The following AP3B1 variants were observed in gnomAD, a reference collection of about 807,000 sequenced individuals.
AP3B1 encodes the protein adaptor related protein complex 3 subunit beta 1.
AP3B1 carries 61 observed loss-of-function variants against 132.5 expected under a neutral mutation model. That is an observed-to-expected ratio of 0.46 (90% confidence interval 0.37 to 0.57). The LOEUF (loss-of-function observed/expected upper bound fraction) is 0.57. Among genes scored for constraint, AP3B1 ranks in the 20% least tolerant of loss-of-function variants. AP3B1 has a pLI of 0.00. For missense variants in AP3B1, 1,120 were observed against 1,289.4 expected, an observed-to-expected ratio of 0.87 and a Z score of 2.01; for synonymous variants, 388 against 438.3, an observed-to-expected ratio of 0.89 and a Z score of 1.43.
intron 15 of AP3B1, 65 bp downstream of exon 15, chr5:78,141,078 C>T (rs560039808): frequency 7.5e-6 from 11 of 1,467,892 alleles, no homozygotes; most frequent in African/African-American, 1.4e-5. Flanking sequence ...CACAGACCCC[C>T]GCTGTTTGAT....
intron 15 of AP3B1, among the ~76,000 whole-genome samples, chr5:78,135,841 C>T (rs951180808): frequency 7.2e-5 from 11 of 152,130 alleles, no homozygotes; most frequent in South Asian, 2.1e-4. Flanking sequence ...ACTATTTCAA[C>T]GAACTCATGC....
chr5:78,044,721 C>CT lies in AP3B1; in HGVS notation c.2578-5448dup, dbSNP rs140971516. Reference sequence around the variant, plus strand: ...TTTAGTCATTTAAGAGCCATCAAGCCTTGGCAGACTCACTGATTCCTTCTC... The same window carrying CT: ...TTTAGTCATTTAAGAGCCATCAAGCCTTTGGCAGACTCACTGATTCCTTCTC... On this transcript the variant is annotated intron_variant, in intron 22 of 26. Coordinates refer to ENST00000255194, the MANE Select transcript of AP3B1 (RefSeq NM_003664.5). 5.5e-3 allele frequency among the ~76,000 whole-genome samples: 833 copies of CT among 152,256 alleles called. 7 individuals are homozygous for CT. The highest frequency in any genetic ancestry group is 0.019 in the African/African-American group (797 of 41,542).
chr5:78,258,343 A>C (rs1174045425), intron 2 of AP3B1, among the ~76,000 whole-genome samples: 1 of 152,212 alleles, frequency 6.6e-6, no homozygotes, highest in Non-Finnish European at 1.5e-5. Context: ...AAAATGGGCA[A>C]GATTTGATCA....
At chr5:78,128,385 G>A (rs1470977327) in intron 16 of AP3B1, among the ~76,000 whole-genome samples, 1 of 152,114 alleles carries the variant, frequency 6.6e-6, no homozygotes, top group Admixed American at 6.6e-5. Context: ...GTGTTTAGAG[G>A]TGTTGCTCTG....
intron 22 of AP3B1, among the ~76,000 whole-genome samples, chr5:78,087,842 C>T (rs1561397035): frequency 6.6e-6 from 1 of 152,172 alleles, no homozygotes; most frequent in Non-Finnish European, 1.5e-5. Flanking sequence ...TATCGTATCA[C>T]TTTGGAGAAT....
At chr5:78,193,752 A>ATATC (rs1744951641) in intron 7 of AP3B1, among the ~76,000 whole-genome samples, 6 of 118,648 alleles carry the variant, frequency 5.1e-5, no homozygotes, top group Admixed American at 1.0e-4. Context: ...TTTTATATAT[A>ATATC]TATATATATA....
At chr5:78,184,802 G>C (rs563778168) in intron 7 of AP3B1, among the ~76,000 whole-genome samples, 2 of 152,204 alleles carry the variant, frequency 1.3e-5, no homozygotes, top group East Asian at 3.9e-4. Flanking sequence ...AGTTGAAAGA[G>C]AACTCAAAGA....
At chr5:78,017,237 C>T (rs1429880544) in intron 25 of AP3B1, among the ~76,000 whole-genome samples, 2 of 152,022 alleles carry the variant, frequency 1.3e-5, no homozygotes, top group Non-Finnish European at 2.9e-5. Context: ...GATTCATTAT[C>T]GTCAGCTAAT....
chr5:78,165,697 A>G (rs2112377488), intron 11 of AP3B1, 25 bp from the exon 12 acceptor site: 3 of 1,453,254 alleles, frequency 2.1e-6, no homozygotes, highest in African/African-American at 2.8e-5. Flanking sequence ...AGAGAAAGTA[A>G]ACATTTTAAA....
chr5:78,043,595 T>C (rs878979088), intron 22 of AP3B1: 1 of 485,002 alleles, frequency 2.1e-6, no homozygotes, highest in Non-Finnish European at 4.2e-6. Flanking sequence ...CTGGTCTTCT[T>C]TAAGGTGGAG....
chr5:78,189,741 A>G (rs569344603), intron 7 of AP3B1, among the ~76,000 whole-genome samples: 53 of 151,998 alleles, frequency 3.5e-4, no homozygotes, highest in African/African-American at 1.1e-3. Flanking sequence ...ATAGTGGCAC[A>G]TGCCTATAGT....
intron 20 of AP3B1, among the ~76,000 whole-genome samples, chr5:78,107,497 G>A (rs1402597745): frequency 1.3e-5 from 2 of 152,148 alleles, no homozygotes; most frequent in African/African-American, 4.8e-5. Flanking sequence ...GAAAAGGAAT[G>A]AATGGAGAAA....
chr5:78,271,460 T>C (rs756936844), intron 1 of AP3B1, among the ~76,000 whole-genome samples: 2 of 152,102 alleles, frequency 1.3e-5, no homozygotes, highest in Admixed American at 1.3e-4. Flanking sequence ...AAAGTCAGAA[T>C]CATAAATTAT....
chr5:78,239,778 C>CA (rs560151932), intron 3 of AP3B1, among the ~76,000 whole-genome samples: 27,493 of 76,850 alleles, frequency 0.36, 4,080 homozygotes, highest in Middle Eastern at 0.41. Context: ...GACTCTGTCT[C>CA]AAAAAAAAAA....
At chr5:78,243,051 A>G (rs1747211567) in intron 2 of AP3B1, among the ~76,000 whole-genome samples, 1 of 152,244 alleles carries the variant, frequency 6.6e-6, no homozygotes, top group Non-Finnish European at 1.5e-5. Flanking sequence ...AGAACTTTCT[A>G]TATGATAGCC....
rs983096718 is a variant in AP3B1, at chr5:78,064,091, G to T, written c.2578-24817C>A. Among the ~76,000 whole-genome samples the T allele has an allele frequency of 1.7e-4, 25 of 150,866 alleles. 1 individual carries two copies. The highest frequency in any genetic ancestry group is 5.8e-4 in the African/African-American group (24 of 41,114). ...ACAGTGGACATTAAAAAAAAAAGGA[G>T]CATGAAGTAGGGAAAAAATTTTGCC... On this transcript the variant is annotated intron_variant, in intron 22 of 26. Coordinates refer to ENST00000255194, the MANE Select transcript of AP3B1 (RefSeq NM_003664.5).
chr5:78,222,519 ATTGT>A (rs933226721), intron 6 of AP3B1: 4 of 152,156 alleles, frequency 2.6e-5, no homozygotes, highest in Non-Finnish European at 4.4e-5. Context: ...CACTAGTATA[ATTGT>A]TTGGGCCAGT....
chr5:78,290,224 AC>A (rs1338454785), intron 1 of AP3B1, among the ~76,000 whole-genome samples: 1 of 152,152 alleles, frequency 6.6e-6, no homozygotes, highest in African/African-American at 2.4e-5. Flanking sequence ...AGGTCTTCTA[AC>A]TCTGGGCCCA....
chr5:78,015,940 TATTC>T (rs1266684786), intron 25 of AP3B1: 1 of 217,348 alleles, frequency 4.6e-6, no homozygotes, highest in Non-Finnish European at 9.2e-6. Flanking sequence ...TATTTTTTTC[TATTC>T]ATTCAAAGAT....
Sources: allele counts gnomAD v4.1 joint callset (sites outside exome capture counted in the v4.1 genomes callset), GRCh38; gene constraint gnomAD v4.1.1; transcripts MANE v1.5; gene names NCBI Gene and HGNC (gene_info 2026-07-23, HGNC 2026-07-21).